The following ACTR3C variants were observed in gnomAD, a reference collection of about 807,000 sequenced individuals.
ACTR3C encodes actin-related protein 3C.
ACTR3C carries 18 observed loss-of-function variants against 26.3 expected under a neutral mutation model. The observed-to-expected ratio is 0.68, with a 90% CI of 0.47 to 1.01. The LOEUF (loss-of-function observed/expected upper bound fraction) is 1.01. ACTR3C is among the 50% of genes least tolerant of loss of function. The pLI is 0.00. For synonymous variants in ACTR3C, 55 were observed against 94.5 expected, an observed-to-expected ratio of 0.58 and a Z score of 2.42; for missense variants, 184 against 250.7, an observed-to-expected ratio of 0.73 and a Z score of 1.80.
At chr7:150,283,564 G>A (rs985549328) in intron 6 of ACTR3C, among the ~76,000 whole-genome samples, 5 of 150,984 alleles carry the variant, frequency 3.3e-5, no homozygotes, top group African/African-American at 1.2e-4. Context: ...TAAGAGTTTA[G>A]CATACATAAT....
chr7:149,992,661 C>T, the ACTR3C span, among the ~76,000 whole-genome samples: 17 of 152,146 alleles, frequency 1.1e-4, no homozygotes, highest in African/African-American at 3.4e-4. Flanking sequence ...CGTGAGGCCC[C>T]GTAGAAGTGA....
At chr7:150,129,750 T>C in the ACTR3C span, among the ~76,000 whole-genome samples, 5 of 152,264 alleles carry the variant, frequency 3.3e-5, no homozygotes, top group East Asian at 9.6e-4. Context: ...GTTACTAACA[T>C]GCCAATTCTC....
chr7:150,034,112 G>A, the ACTR3C span, among the ~76,000 whole-genome samples: 2,380 of 150,524 alleles, frequency 0.016, 44 homozygotes, highest in Middle Eastern at 0.038. Flanking sequence ...CCAACAACCG[G>A]GGGGAAGAGG....
At chr7:149,966,837 GTTTTC>G in the ACTR3C span, among the ~76,000 whole-genome samples, 2 of 150,812 alleles carry the variant, frequency 1.3e-5, no homozygotes, top group Non-Finnish European at 2.9e-5. Context: ...ATTTGTCTAT[GTTTTC>G]TTTTCTTTTT....
chr7:150,185,321 GTA>G, the ACTR3C span, among the ~76,000 whole-genome samples: 23 of 148,984 alleles, frequency 1.5e-4, no homozygotes, highest in South Asian at 4.8e-3. Context: ...GTGTGTGTGT[GTA>G]TTCTCTGGGC....
At chr7:150,046,429 G>C in the ACTR3C span, among the ~76,000 whole-genome samples, 1 of 146,824 alleles carries the variant, frequency 6.8e-6, no homozygotes, top group Non-Finnish European at 1.5e-5. Context: ...GGCTGCAGAG[G>C]TAATGACCAA....
chr7:150,167,031 T>TATAC, the ACTR3C span, among the ~76,000 whole-genome samples: 2 of 150,110 alleles, frequency 1.3e-5, no homozygotes, highest in East Asian at 3.9e-4. Context: ...TATATATATA[T>TATAC]ATATGGTATT....
At chr7:150,185,450 C>T in the ACTR3C span, among the ~76,000 whole-genome samples, 3 of 152,296 alleles carry the variant, frequency 2.0e-5, no homozygotes, top group African/African-American at 4.8e-5. Context: ...ATTAAGCTAA[C>T]ATTCAAATAT....
At chr7:150,215,636 G>A in the ACTR3C span, among the ~76,000 whole-genome samples, 15 of 152,094 alleles carry the variant, frequency 9.9e-5, no homozygotes, top group South Asian at 6.2e-4. Context: ...GAATGAGAAC[G>A]AAAACTAGAA....
intron 6 of ACTR3C, among the ~76,000 whole-genome samples, chr7:150,283,619 T>A (rs1471143443): frequency 6.6e-6 from 1 of 152,016 alleles, no homozygotes; most frequent in South Asian, 2.1e-4. Flanking sequence ...ATGAAATATA[T>A]GTAAATTTTA....
the ACTR3C span, among the ~76,000 whole-genome samples, chr7:150,112,849 C>T: frequency 6.6e-6 from 1 of 152,142 alleles, no homozygotes; most frequent in Non-Finnish European, 1.5e-5. Flanking sequence ...TGTCTTCCCC[C>T]TGACTCTGTT....
downstream of ACTR3C, chr7:150,246,038 T>C (rs1291749065): frequency 2.6e-5 from 4 of 152,208 alleles, no homozygotes; most frequent in South Asian, 2.1e-4. Context: ...GATCTTTGAA[T>C]GCTTGACTGT....
chr7:150,002,498 C>A, the ACTR3C span: 1 of 152,258 alleles, frequency 6.6e-6, no homozygotes, highest in African/African-American at 2.4e-5. Flanking sequence ...CTTGAACAAT[C>A]CGACAGAGCC....
At chr7:150,181,995 A>G in the ACTR3C span, among the ~76,000 whole-genome samples, 1 of 150,608 alleles carries the variant, frequency 6.6e-6, no homozygotes, top group South Asian at 2.1e-4. Context: ...TTACACTAGA[A>G]TGGACACAAA....
chr7:150,307,196 A>G (rs940137917), intron 1 of ACTR3C, among the ~76,000 whole-genome samples: 7 of 152,238 alleles, frequency 4.6e-5, no homozygotes, highest in African/African-American at 9.6e-5. Flanking sequence ...GGGAGATAGG[A>G]AATATCAATC....
At chr7:150,033,298 C>T in the ACTR3C span, among the ~76,000 whole-genome samples, 2 of 152,194 alleles carry the variant, frequency 1.3e-5, no homozygotes, top group East Asian at 3.9e-4. Flanking sequence ...ATTATCTCTT[C>T]CTGGGCTTTG....
At chr7:150,045,744 T>C in the ACTR3C span, among the ~76,000 whole-genome samples, 1 of 151,290 alleles carries the variant, frequency 6.6e-6, no homozygotes, top group Non-Finnish European at 1.5e-5. Context: ...CAAGTTAAGA[T>C]TTTTTAAAAA....
At chr7:150,121,829 A>G in the ACTR3C span, among the ~76,000 whole-genome samples, 1 of 151,884 alleles carries the variant, frequency 6.6e-6, no homozygotes, top group Non-Finnish European at 1.5e-5. Context: ...CCTGACTTCA[A>G]ACTATAAGGC....
At chr7:150,220,699 G>T in the ACTR3C span, among the ~76,000 whole-genome samples, 1 of 152,370 alleles carries the variant, frequency 6.6e-6, no homozygotes, top group East Asian at 1.9e-4. Flanking sequence ...GCTCTTTCCT[G>T]CGCAAGGGGT....
Sources: allele counts gnomAD v4.1 joint callset (sites outside exome capture counted in the v4.1 genomes callset), GRCh38; gene constraint gnomAD v4.1.1; transcripts MANE v1.5; gene names NCBI Gene and HGNC (gene_info 2026-07-23, HGNC 2026-07-21).